RBM26: variants seen among roughly 807,000 people sequenced by gnomAD.
RBM26 encodes the protein RNA binding motif protein 26, also known as RNA-binding protein 26.
A neutral mutation model predicts 123.6 loss-of-function variants in RBM26; 30 were observed. The ratio of observed to expected loss-of-function variants is 0.24; its 90% CI spans 0.18 to 0.33. RBM26 has a LOEUF of 0.33. Ranked by LOEUF, RBM26 falls within the 10% of genes least tolerant of loss-of-function variation. The pLI is 1.00. For synonymous variants in RBM26, 400 were observed against 404.4 expected (o/e 0.99, Z 0.13); for missense variants, 947 against 1,203.6 (o/e 0.79, Z 3.15).
At chr13:79,377,623 A>C in intron 2 of RBM26, 108 bp from the exon 3 acceptor site, 1 of 922,032 alleles carries the variant, frequency 1.1e-6, no homozygotes, top group South Asian at 1.7e-5. Flanking sequence ...GACTTTTATA[A>C]ACTAGAAAAT....
intron 1 of RBM26, among the ~76,000 whole-genome samples, chr13:79,387,993 T>C (rs1386248182): frequency 1.3e-5 from 2 of 152,218 alleles, no homozygotes; most frequent in Non-Finnish European, 2.9e-5. Context: ...CAAATCACAA[T>C]GTATTGAGAA....
chr13:79,377,157 C>CACCTT (rs1164822606), intron 3 of RBM26: 1 of 430,258 alleles, frequency 2.3e-6, no homozygotes, highest in Non-Finnish European at 4.2e-6. Context: ...TGGCCTCATA[C>CACCTT]ACCTTTTCCA....
intron 9 of RBM26, 120 bp from the exon 10 acceptor site, chr13:79,359,806 A>T (rs1231301351): frequency 5.1e-6 from 1 of 197,464 alleles, no homozygotes; most frequent in Non-Finnish European, 1.0e-5. Flanking sequence ...ATATATATAT[A>T]TAATTTTTTT....
At chr13:79,321,856 G>A (rs373831652) in intron 21 of RBM26, among the ~76,000 whole-genome samples, 24 of 151,224 alleles carry the variant, frequency 1.6e-4, no homozygotes, top group African/African-American at 5.6e-4. Context: ...AGTTTCTTAT[G>A]TGTCTGCCAC....
In RBM26 at chr13:79,344,788, A is replaced by G; in HGVS notation, c.2065T>C (p.Ser689Pro). 1 of 1,611,714 alleles carries G rather than the reference A, an allele frequency of 6.2e-7. No individual in the cohort carries two copies. The highest frequency in any genetic ancestry group is 8.5e-7 in the Non-Finnish European group (1 of 1,178,964). Residue 689 changes from serine (S) to proline (P), a missense_variant, in exon 15 of 22, where the codon TCT (serine) becomes CCT (proline). Ser to Pro is a moderately conservative substitution (Grantham distance 74). Around this residue, in one of 5 missense-constraint regions of RBM26, gnomAD observed 493 missense variants for 563.1 expected, o/e 0.88. Coordinates refer to ENST00000438737, the MANE Select transcript of RBM26 (RefSeq NM_001366735.2). ...PSVSATEKVL[S>P]TSTGLTKTVY... Reference sequence around the variant, plus strand: ...GTTTTTGTTAGGCCAGTAGATGTAGACAACACCTACCAATACAAATTCAAC... The same window carrying G: ...GTTTTTGTTAGGCCAGTAGATGTAGGCAACACCTACCAATACAAATTCAAC...
At chr13:79,402,272 G>A (rs1425941136) in intron 1 of RBM26, among the ~76,000 whole-genome samples, 1 of 151,922 alleles carries the variant, frequency 6.6e-6, no homozygotes, top group Non-Finnish European at 1.5e-5. Context: ...AGCATTTCAA[G>A]ATGACAATTT....
chr13:79,344,642 TTTTTATAC>T lies in RBM26; in HGVS notation c.2184+19_2184+26del, dbSNP rs763445536. The T allele has an allele frequency of 6.3e-7, 1 of 1,591,068 alleles. No individual in the cohort carries two copies. The highest frequency in any genetic ancestry group is 8.5e-7 in the Non-Finnish European group (1 of 1,170,424). ...GGAAAGCTTTCCTATATGCAAAAAT[TTTTTATAC>T]TATACCAGTTGTACTTACCTGTTTT... On this transcript the variant is annotated intron_variant, in intron 15 of 21. Transcript: ENST00000438737.
chr13:79,334,641 C>T (rs528909399), intron 19 of RBM26, among the ~76,000 whole-genome samples: 1 of 152,080 alleles, frequency 6.6e-6, no homozygotes, highest in Non-Finnish European at 1.5e-5. Context: ...ATACAATTCA[C>T]ACTTCCCAGA....
chr13:79,400,789 C>G (rs1320718860), intron 1 of RBM26, among the ~76,000 whole-genome samples: 1 of 152,002 alleles, frequency 6.6e-6, no homozygotes, highest in Non-Finnish European at 1.5e-5. Context: ...AAACTTCAGG[C>G]AATAAATATA....
chr13:79,319,345 T>A lies in RBM26; in HGVS notation c.*1276A>T. The A allele has an allele frequency of 1.0e-6, 1 of 983,112 alleles. No homozygotes were observed. Among genetic ancestry groups the A allele is most frequent in the Non-Finnish European group, 1.2e-6 (1 of 828,048 alleles). 60.9% of individuals were successfully genotyped at this position (983,112 alleles called of 1,614,324 possible). A position where few individuals can be genotyped will look rare whatever the true frequency, so the allele number is the denominator to read the frequency against. On this transcript the variant is annotated 3_prime_UTR_variant, in exon 22 of 22. Transcript: ENST00000438737. ...AAAATGATGAATTTGAAAATATAAA[T>A]ATGTAATCTCCCACCCCCATTCTAC...
intron 1 of RBM26, among the ~76,000 whole-genome samples, chr13:79,382,556 G>A (rs9601224): frequency 0.019 from 2,849 of 152,142 alleles, 67 homozygotes; most frequent in African/African-American, 0.063. Context: ...GTGTGTGTTG[G>A]GGCTGGTGAG....
intron 14 of RBM26, among the ~76,000 whole-genome samples, chr13:79,348,478 T>A (rs1340004602): frequency 6.6e-6 from 1 of 152,142 alleles, no homozygotes. Flanking sequence ...AAGTATTTTG[T>A]AAAATTAAGT....
At chr13:79,378,538 C>T (rs1018215576) in intron 2 of RBM26, among the ~76,000 whole-genome samples, 1 of 152,166 alleles carries the variant, frequency 6.6e-6, no homozygotes, top group Admixed American at 6.5e-5. Context: ...CTCCCAGGTT[C>T]AAGCAATTCT....
intron 14 of RBM26, among the ~76,000 whole-genome samples, chr13:79,349,232 G>GCAA (rs1301405054): frequency 6.6e-6 from 1 of 152,094 alleles, no homozygotes; most frequent in African/African-American, 2.4e-5. Flanking sequence ...TTTCAAGAAT[G>GCAA]CAACACATTG....
At position 79,371,085 on chromosome 13, in the gene RBM26, T is replaced by C. The variant is rs2075830644; in HGVS notation, c.494A>G (p.Tyr165Cys). 5 of 1,614,186 alleles carry C rather than the reference T, an allele frequency of 3.1e-6. No homozygotes were observed. Among genetic ancestry groups the C allele is most frequent in the Non-Finnish European group, 4.2e-6 (5 of 1,180,020 alleles). Residue 165 changes from tyrosine to cysteine, a missense_variant, in exon 5 of 22, where the codon TAC becomes TGC. Coordinates refer to ENST00000438737, the MANE Select transcript of RBM26 (RefSeq NM_001366735.2). ...YDRNPPRRDS[Y>C]RDRYNRRRGR... ...TCGTCTTCTATTGTACCGGTCTCTGTATGAATCTCTTCGAGGAGGGTTTCG... is the reference window on the plus strand; with the variant it reads ...TCGTCTTCTATTGTACCGGTCTCTGCATGAATCTCTTCGAGGAGGGTTTCG...
intron 1 of RBM26, among the ~76,000 whole-genome samples, chr13:79,386,612 G>A (rs1347098440): frequency 6.4e-5 from 4 of 62,638 alleles, no homozygotes; most frequent in Admixed American, 1.8e-4. Context: ...AAAAAAAAAA[G>A]GTGTATCTGC....
At position 79,373,648 on chromosome 13, in the gene RBM26, C is replaced by A. The variant is rs1349246914; in HGVS notation, c.328-1718G>T. ...ATATTACTATATATATTTATATAGT[C>A]TATTTATATATTTATATATTATATA... is the stretch of plus-strand genomic sequence containing the variant. On this transcript the variant is annotated intron_variant, in intron 3 of 21. Coordinates refer to ENST00000438737, the MANE Select transcript of RBM26 (RefSeq NM_001366735.2). Among the ~76,000 whole-genome samples, 3 of 115,514 alleles carry A rather than the reference C, an allele frequency of 2.6e-5. 1 individual carries two copies. The highest frequency in any genetic ancestry group is 5.0e-5 in the Non-Finnish European group (3 of 59,704). 75.8% of individuals were successfully genotyped at this position (115,514 alleles called of 152,430 possible).
At chr13:79,401,648 T>C (rs991337812) in intron 1 of RBM26, among the ~76,000 whole-genome samples, 1 of 152,202 alleles carries the variant, frequency 6.6e-6, no homozygotes, top group Non-Finnish European at 1.5e-5. Flanking sequence ...ATGTAGCCTA[T>C]CTGTGTTTAA....
Position 79,342,768 on chromosome 13 carries a change from T to C in RBM26, c.2323A>G (p.Lys775Glu), listed in dbSNP as rs1411073521. Reference sequence around the variant, plus strand: ...TTTTTTGTCAAAACCTCTAAAGTTTTCATTATTTCTGCTTTATCTTCAGAC... The same window carrying C: ...TTTTTTGTCAAAACCTCTAAAGTTTCCATTATTTCTGCTTTATCTTCAGAC... ...MKSEDKAEIMKTLEVLTKNIT... is the reference protein window; with the variant it reads ...MKSEDKAEIMETLEVLTKNIT... The change falls in exon 17 of 22, where the codon AAA (lysine) becomes GAA (glutamate). Residue 775 changes from lysine to glutamate, a missense_variant. By Grantham distance (56) the Lys-to-Glu change is moderately conservative. Around this residue, in one of 5 missense-constraint regions of RBM26, gnomAD observed 493 missense variants for 563.1 expected, o/e 0.88. Transcript: ENST00000438737. 1 of 1,610,162 alleles carries C rather than the reference T, an allele frequency of 6.2e-7. No homozygotes were observed.
Sources: gnomAD v4.1 joint callset for allele counts (sites outside exome capture counted in the v4.1 genomes callset) on GRCh38, gnomAD v4.1.1 for gene constraint, gnomAD v4.1.1 regional missense constraint, MANE v1.5 for transcripts, NCBI Gene and HGNC (gene_info 2026-07-23, HGNC 2026-07-21) for gene names.